The following TAB2 variants were observed in gnomAD, a reference collection of about 807,000 sequenced individuals.
TAB2 encodes TGF-beta activated kinase 1 (MAP3K7) binding protein 2, also known as TGF-beta-activated kinase 1 and MAP3K7-binding protein 2.
A neutral mutation model predicts 65.0 loss-of-function variants in TAB2; 3 were observed. The ratio of observed to expected loss-of-function variants is 0.05; its 90% CI spans 0.02 to 0.12. The LOEUF is 0.12. TAB2 is among the 10% of genes least tolerant of loss of function. The probability of loss-of-function intolerance (pLI) is 1.00; values close to 1 mark genes in which losing one functional copy is unlikely to be tolerated. For missense variants in TAB2, 623 were observed against 840.3 expected (o/e 0.74, Z 3.20); for synonymous variants, 298 against 285.1 (o/e 1.05, Z -0.46).
At chr6:149,383,869 C>T (rs1189652540) in intron 3 of TAB2, among the ~76,000 whole-genome samples, 3 of 152,174 alleles carry the variant, frequency 2.0e-5, no homozygotes, top group Non-Finnish European at 4.4e-5. Context: ...AGACGTGAGC[C>T]ACCGCACCTA....
chr6:149,303,957 A>G (rs977606298), intron 1 of TAB2: 1 of 152,318 alleles, frequency 6.6e-6, no homozygotes, highest in Non-Finnish European at 1.5e-5. Flanking sequence ...ATGTGTCTGG[A>G]GGACTGAGAA....
intron 1 of TAB2, among the ~76,000 whole-genome samples, chr6:149,322,583 T>A (rs562375640): frequency 3.5e-4 from 54 of 152,256 alleles, no homozygotes; most frequent in Admixed American, 1.8e-3. Flanking sequence ...TCAGTTAAAA[T>A]TCGTTAGCTT....
chr6:149,305,117 T>A (rs193191915), intron 1 of TAB2, among the ~76,000 whole-genome samples: 1 of 152,216 alleles, frequency 6.6e-6, no homozygotes, highest in African/African-American at 2.4e-5. Flanking sequence ...ATTGGTTGGA[T>A]CTGTGGATGT....
intron 1 of TAB2, among the ~76,000 whole-genome samples, chr6:149,311,007 T>C (rs1374052751): frequency 1.3e-5 from 2 of 152,348 alleles, no homozygotes; most frequent in African/African-American, 4.8e-5. Flanking sequence ...ACTGACTCCA[T>C]GGTCTCCCTA....
chr6:149,336,439 G>C (rs1437804102), intron 1 of TAB2, among the ~76,000 whole-genome samples: 1 of 152,092 alleles, frequency 6.6e-6, no homozygotes, highest in Non-Finnish European at 1.5e-5. Context: ...CACTTGCTGA[G>C]TACTTTATAT....
intron 1 of TAB2, among the ~76,000 whole-genome samples, chr6:149,334,267 A>G (rs1307289962): frequency 6.6e-6 from 1 of 151,916 alleles, no homozygotes; most frequent in Non-Finnish European, 1.5e-5. Flanking sequence ...CAGTGTCAGC[A>G]CCTTCTGCTG....
intron 1 of TAB2, among the ~76,000 whole-genome samples, chr6:149,241,276 T>C (rs1777592899): frequency 1.3e-5 from 2 of 152,214 alleles, no homozygotes; most frequent in African/African-American, 4.8e-5. Flanking sequence ...GATTTTGGGC[T>C]CAGTTTAATA....
chr6:149,248,655 T>G (rs1035944390), intron 1 of TAB2, among the ~76,000 whole-genome samples: 1 of 152,150 alleles, frequency 6.6e-6, no homozygotes, highest in Non-Finnish European at 1.5e-5. Context: ...CAGGAGTAGT[T>G]TCCCTAGTTC....
At chr6:149,278,280 A>G (rs1778513913) in intron 1 of TAB2, among the ~76,000 whole-genome samples, 1 of 152,218 alleles carries the variant, frequency 6.6e-6, no homozygotes, top group Non-Finnish European at 1.5e-5. Context: ...TTGGAGTGCA[A>G]AGGGACATAA....
intron 3 of TAB2, among the ~76,000 whole-genome samples, chr6:149,386,239 C>T (rs568033405): frequency 7.9e-5 from 12 of 152,234 alleles, no homozygotes; most frequent in South Asian, 2.1e-4. Context: ...TATTAAGTTA[C>T]GTAAATCTAT....
intron 1 of TAB2, among the ~76,000 whole-genome samples, chr6:149,352,381 G>T (rs1780519902): frequency 6.6e-6 from 1 of 152,072 alleles, no homozygotes; most frequent in South Asian, 2.1e-4. Flanking sequence ...CTTAATAGAG[G>T]TAATTTTTTC....
intron 1 of TAB2, among the ~76,000 whole-genome samples, chr6:149,356,148 C>T (rs1244510876): frequency 6.6e-6 from 1 of 152,146 alleles, no homozygotes; most frequent in Non-Finnish European, 1.5e-5. Flanking sequence ...ATGCTTATTT[C>T]CTTCTAACTA....
In TAB2 at chr6:149,224,952, A is replaced by G. The variant is rs73781707; in HGVS notation, c.-121+6176A>G. Reference sequence around the variant, plus strand: ...CCATTTTTCAGTTCTATGTATATAAAGGATGTTGGAATTAATTGGTCTCTT... The same window carrying G: ...CCATTTTTCAGTTCTATGTATATAAGGGATGTTGGAATTAATTGGTCTCTT... On this transcript the variant is annotated intron_variant, in intron 1 of 1. Transcript: ENST00000606202. Among the ~76,000 whole-genome samples, 478 of 152,350 alleles carry G rather than the reference A, an allele frequency of 3.1e-3. 3 individuals carry two copies. Among genetic ancestry groups the G allele is most frequent in the African/African-American group, 0.011 (451 of 41,576 alleles).
intron 1 of TAB2, among the ~76,000 whole-genome samples, chr6:149,325,840 A>C (rs1419308592): frequency 2.0e-5 from 3 of 152,220 alleles, no homozygotes; most frequent in Admixed American, 2.0e-4. Context: ...CCCAGGCTCA[A>C]GTGATCCTCC....
chr6:149,229,943 C>G (rs1466664246), intron 1 of TAB2: 1 of 152,162 alleles, frequency 6.6e-6, no homozygotes. Flanking sequence ...TTCTGAGGAC[C>G]TTGGCTCATT....
chr6:149,336,108 G>A (rs1779926100), intron 1 of TAB2, among the ~76,000 whole-genome samples: 5 of 152,136 alleles, frequency 3.3e-5, no homozygotes, highest in African/African-American at 1.2e-4. Flanking sequence ...GCACTAAGTT[G>A]CTATATGAGA....
At chr6:149,256,746 T>C (rs949267679) in intron 1 of TAB2, among the ~76,000 whole-genome samples, 1 of 152,196 alleles carries the variant, frequency 6.6e-6, no homozygotes, top group Non-Finnish European at 1.5e-5. Context: ...TACTTGATCT[T>C]AATAAGGAAC....
At chr6:149,357,591 G>A (rs1244507595) in intron 1 of TAB2, among the ~76,000 whole-genome samples, 1 of 152,048 alleles carries the variant, frequency 6.6e-6, no homozygotes, top group Non-Finnish European at 1.5e-5. Context: ...ATGAACATCT[G>A]TCCATGTCAG....
intron 1 of TAB2, among the ~76,000 whole-genome samples, chr6:149,287,180 G>A (rs1385944717): frequency 3.3e-5 from 5 of 152,132 alleles, no homozygotes; most frequent in Non-Finnish European, 7.4e-5. Flanking sequence ...GCCACAAAAA[G>A]TGTATACTGA....
Sources: gnomAD v4.1 joint callset for allele counts (sites outside exome capture counted in the v4.1 genomes callset) on GRCh38, gnomAD v4.1.1 for gene constraint, MANE v1.5 for transcripts, NCBI Gene and HGNC (gene_info 2026-07-23, HGNC 2026-07-21) for gene names.